MTMR3: variants seen among roughly 807,000 people sequenced by gnomAD.
MTMR3 encodes phosphatidylinositol-3,5-bisphosphate 3-phosphatase MTMR3.
MTMR3 carries 32 observed loss-of-function variants against 132.4 expected under a neutral mutation model. That is an observed-to-expected ratio of 0.24 (90% CI 0.18 to 0.32). The LOEUF (loss-of-function observed/expected upper bound fraction) is 0.32. Among genes scored for constraint, MTMR3 ranks in the 10% least tolerant of loss-of-function variants. The probability of loss-of-function intolerance (pLI) is 1.00; values close to 1 mark genes in which losing one functional copy is unlikely to be tolerated. For synonymous variants in MTMR3, 556 were observed against 550.3 expected, an observed-to-expected ratio of 1.01 and a Z score of -0.14; for missense variants, 1,216 against 1,489.6, an observed-to-expected ratio of 0.82 and a Z score of 3.02.
intron 1 of MTMR3, among the ~76,000 whole-genome samples, chr22:29,906,282 G>GTCTATCTATCTATCTA (rs1330766461): frequency 4.6e-5 from 4 of 87,806 alleles, no homozygotes; most frequent in Non-Finnish European, 9.0e-5. Flanking sequence ...CTGTCTGTCT[G>GTCTATCTATCTATCTA]TCTGTCTATC....
intron 1 of MTMR3, among the ~76,000 whole-genome samples, chr22:29,931,446 G>C (rs1174056365): frequency 6.6e-6 from 1 of 152,128 alleles, no homozygotes; most frequent in Admixed American, 6.5e-5. Flanking sequence ...TTTTGAGACA[G>C]AGTCTCACTC....
At chr22:29,958,575 G>A (rs2066246333) in intron 2 of MTMR3, among the ~76,000 whole-genome samples, 1 of 152,088 alleles carries the variant, frequency 6.6e-6, no homozygotes, top group South Asian at 2.1e-4. Flanking sequence ...TCTTGTCTCA[G>A]TGGCTCAAAA....
chr22:29,958,866 G>A (rs943000526), intron 2 of MTMR3, among the ~76,000 whole-genome samples: 2 of 152,122 alleles, frequency 1.3e-5, no homozygotes, highest in Non-Finnish European at 2.9e-5. Context: ...TTCTTGACTA[G>A]GGTTTTTGTT....
chr22:29,885,823 TTCA>T (rs1200491378), intron 1 of MTMR3, among the ~76,000 whole-genome samples: 1 of 152,226 alleles, frequency 6.6e-6, no homozygotes, highest in Non-Finnish European at 1.5e-5. Flanking sequence ...TCACACCTTC[TTCA>T]GTAAAGTGGA....
In MTMR3 at chr22:29,988,480, G is replaced by A; in HGVS notation, c.211G>A (p.Val71Ile). Reference protein sequence around the residue: ...HIKFKESLVNVPLQLIESVEC... With the variant: ...HIKFKESLVNIPLQLIESVEC... ...GGACTTCATTTTTTTAAAATTGCAGGTTCCATTACAGCTTATAGAAAGTGT... is the reference window on the plus strand; with the variant it reads ...GGACTTCATTTTTTTAAAATTGCAGATTCCATTACAGCTTATAGAAAGTGT... The change falls in exon 6 of 20, where the codon GTT (valine) becomes ATT (isoleucine). Residue 71 changes from valine (V) to isoleucine (I), a missense_variant and splice_region_variant. Val to Ile is a conservative substitution (Grantham distance 29, BLOSUM62 3). This residue lies in a region of MTMR3 where 81 missense variants were observed against 87.7 expected (regional missense o/e 0.92). Transcript: ENST00000401950. 2 of 1,608,390 alleles carry A rather than the reference G, an allele frequency of 1.2e-6. No individual in the cohort carries two copies. The highest frequency in any genetic ancestry group is 1.7e-6 in the Non-Finnish European group (2 of 1,176,896).
At chr22:30,019,406 T>C in intron 16 of MTMR3, 74 bp from the exon 17 acceptor site, 8 of 1,408,624 alleles carry the variant, frequency 5.7e-6, no homozygotes, top group Non-Finnish European at 7.7e-6. Context: ...CAACTGCTTG[T>C]TAAAACCTAT....
intron 1 of MTMR3, among the ~76,000 whole-genome samples, chr22:29,924,074 A>G (rs1430247558): frequency 2.0e-5 from 3 of 152,114 alleles, no homozygotes; most frequent in Non-Finnish European, 4.4e-5. Flanking sequence ...CTTAGCCTGT[A>G]CTTTTGGTGT....
chr22:29,982,890 T>C (rs1270082190), intron 5 of MTMR3: 2 of 151,738 alleles, frequency 1.3e-5, no homozygotes, highest in African/African-American at 4.8e-5. Context: ...CTTAGATAAA[T>C]TATAAACAAG....
At chr22:30,018,162 G>A in intron 16 of MTMR3, 90 bp downstream of exon 16, 1 of 1,352,406 alleles carries the variant, frequency 7.4e-7, no homozygotes, top group Non-Finnish European at 9.8e-7. Flanking sequence ...AGATCATGAT[G>A]GTATCTGGCT....
At chr22:30,008,963 C>A in intron 11 of MTMR3, 55 bp from the exon 12 acceptor site, 1 of 1,248,594 alleles carries the variant, frequency 8.0e-7, no homozygotes, top group Non-Finnish European at 1.2e-6. Context: ...TAAATTTGGC[C>A]ATGTGGGCTT....
At chr22:29,954,059 C>CTTTTTTTTTTTTTTTTT (rs59781649) in intron 1 of MTMR3, among the ~76,000 whole-genome samples, 2 of 79,430 alleles carry the variant, frequency 2.5e-5, no homozygotes, top group African/African-American at 1.1e-4. Flanking sequence ...TCAAATGAGT[C>CTTTTTTTTTTTTTTTTT]TTTTTTTTTT....
At chr22:29,920,671 GC>G (rs1386772734) in intron 1 of MTMR3, among the ~76,000 whole-genome samples, 2 of 149,410 alleles carry the variant, frequency 1.3e-5, no homozygotes, top group Non-Finnish European at 3.0e-5. Context: ...TATGGATAAA[GC>G]TTTTTTTTTA....
intron 1 of MTMR3, among the ~76,000 whole-genome samples, chr22:29,907,280 T>C (rs2065122142): frequency 6.6e-6 from 1 of 151,548 alleles, no homozygotes; most frequent in African/African-American, 2.4e-5. Context: ...TGGGCGCCTG[T>C]AGTCCCAGCT....
intron 1 of MTMR3, among the ~76,000 whole-genome samples, chr22:29,893,117 A>G (rs2064829769): frequency 6.6e-6 from 1 of 152,218 alleles, no homozygotes; most frequent in African/African-American, 2.4e-5. Flanking sequence ...TGGACTATTT[A>G]AACTCCTGCA....
At chr22:29,949,509 C>CAA (rs60108937) in intron 1 of MTMR3, among the ~76,000 whole-genome samples, 2,478 of 124,558 alleles carry the variant, frequency 0.02, 163 homozygotes, top group African/African-American at 0.074. Flanking sequence ...CGCCCCCCCC[C>CAA]AAAAAAAAAA....
At chr22:30,003,028 G>A in intron 9 of MTMR3, 35 bp downstream of exon 9, 1 of 1,539,748 alleles carries the variant, frequency 6.5e-7, no homozygotes, top group South Asian at 1.1e-5. Flanking sequence ...GCTTGGGCTG[G>A]TGCTGCTGCC....
intron 3 of MTMR3, among the ~76,000 whole-genome samples, chr22:29,972,617 C>G (rs966062683): frequency 2.0e-5 from 3 of 152,222 alleles, no homozygotes; most frequent in Admixed American, 2.0e-4. Flanking sequence ...GTTGCCCAGG[C>G]TGGAGTGCAG....
chr22:29,956,726 A>C (rs901453418), intron 1 of MTMR3, among the ~76,000 whole-genome samples: 1 of 152,216 alleles, frequency 6.6e-6, no homozygotes, highest in African/African-American at 2.4e-5. Context: ...TTTACCCAAG[A>C]AGCCACCAGA....
intron 5 of MTMR3, chr22:29,985,949 C>T (rs1436855486): frequency 6.6e-6 from 1 of 151,292 alleles, no homozygotes; most frequent in African/African-American, 2.5e-5. Flanking sequence ...TAAAACTTAC[C>T]TGTTCTTTGT....
Sources: allele counts gnomAD v4.1 joint callset (sites outside exome capture counted in the v4.1 genomes callset), GRCh38; gene constraint gnomAD v4.1.1; regional missense constraint gnomAD v4.1.1; transcripts MANE v1.5; gene names NCBI Gene and HGNC (gene_info 2026-07-23, HGNC 2026-07-21).